ESRRG: variants seen among roughly 807,000 people sequenced by gnomAD.
ESRRG encodes estrogen related receptor gamma.
ESRRG carries 13 observed loss-of-function variants against 44.0 expected under a neutral mutation model. That is an observed-to-expected ratio of 0.30 (90% CI 0.19 to 0.47). The LOEUF is 0.47. Ranked by LOEUF, ESRRG falls within the 20% of genes least tolerant of loss-of-function variation. ESRRG has a pLI of 1.00. For missense variants in ESRRG, 395 were observed against 580.6 expected (o/e 0.68, Z 3.29); for synonymous variants, 215 against 214.6 (o/e 1.00, Z -0.02).
In ESRRG at chr1:216,576,406, T is replaced by A. The variant is rs2061685076; in HGVS notation, c.590-8308A>T. Reference sequence around the variant, plus strand: ...AAAAGCCATGACTCACATTAAAGCTTCCTTGCTCTACAGATGAATTAACAA... The same window carrying A: ...AAAAGCCATGACTCACATTAAAGCTACCTTGCTCTACAGATGAATTAACAA... On this transcript the variant is annotated intron_variant, in intron 3 of 6. Coordinates refer to ENST00000408911, the MANE Select transcript of ESRRG (RefSeq NM_001438.4). 2.6e-5 allele frequency among the ~76,000 whole-genome samples: 4 copies of A among 151,862 alleles called. No homozygotes were observed. The South Asian group carries it at 8.3e-4, about 31-fold the overall frequency.
chr1:216,927,651 AAGGCACGCCAT>A (rs1214268486), intron 2 of ESRRG, among the ~76,000 whole-genome samples: 9 of 152,352 alleles, frequency 5.9e-5, no homozygotes, highest in Non-Finnish European at 1.2e-4. Context: ...CTTGATGGCT[AAGGCACGCCAT>A]AGGCCCCTCT....
At chr1:216,945,420 G>C (rs1486856741) in intron 1 of ESRRG, among the ~76,000 whole-genome samples, 1 of 151,902 alleles carries the variant, frequency 6.6e-6, no homozygotes, top group Non-Finnish European at 1.5e-5. Flanking sequence ...AAATGAATTA[G>C]GCAGAATTTA....
chr1:217,096,709 C>T (rs1280680002), intron 1 of ESRRG, among the ~76,000 whole-genome samples: 5 of 142,592 alleles, frequency 3.5e-5, no homozygotes, highest in Admixed American at 2.8e-4. Flanking sequence ...GTTAATCTCT[C>T]CTTTGTCTCT....
At chr1:216,913,778 T>C (rs1383968749) in intron 2 of ESRRG, among the ~76,000 whole-genome samples, 1 of 152,224 alleles carries the variant, frequency 6.6e-6, no homozygotes, top group Admixed American at 6.5e-5. Flanking sequence ...CTCTATATGC[T>C]GTAAGTCATT....
At chr1:216,934,557 G>A (rs979612942) in intron 2 of ESRRG, among the ~76,000 whole-genome samples, 2 of 152,142 alleles carry the variant, frequency 1.3e-5, no homozygotes, top group Non-Finnish European at 2.9e-5. Context: ...GTCTTACATG[G>A]CGGCAGAAAA....
intron 5 of ESRRG, among the ~76,000 whole-genome samples, chr1:216,549,351 G>C (rs945300110): frequency 2.0e-5 from 3 of 152,016 alleles, no homozygotes. Context: ...TATTGGAAAG[G>C]AGGGAAAAGT....
At chr1:216,875,776 A>G (rs2096341824) in intron 2 of ESRRG, among the ~76,000 whole-genome samples, 1 of 152,194 alleles carries the variant, frequency 6.6e-6, no homozygotes, top group African/African-American at 2.4e-5. Context: ...GTGTATACCT[A>G]CAAGTGAAAT....
chr1:217,018,731 C>T (rs903135697), intron 1 of ESRRG, among the ~76,000 whole-genome samples: 2 of 152,164 alleles, frequency 1.3e-5, no homozygotes, highest in Admixed American at 6.6e-5. Context: ...TATTACTCAT[C>T]CTTTGTCCAT....
chr1:217,076,337 C>G (rs940442716), intron 1 of ESRRG, among the ~76,000 whole-genome samples: 2 of 152,152 alleles, frequency 1.3e-5, no homozygotes, highest in Admixed American at 1.3e-4. Flanking sequence ...CTAGACATTC[C>G]TCACTTAGTT....
chr1:216,961,378 A>C, intron 1 of ESRRG, among the ~76,000 whole-genome samples: 1 of 152,282 alleles, frequency 6.6e-6, no homozygotes, highest in African/African-American at 2.4e-5. Context: ...ACCAACCATA[A>C]AAAAATGATA....
intron 2 of ESRRG, among the ~76,000 whole-genome samples, chr1:216,787,714 A>G (rs2094178910): frequency 6.6e-6 from 1 of 151,944 alleles, no homozygotes; most frequent in Non-Finnish European, 1.5e-5. Flanking sequence ...AAGCTTAGTG[A>G]GGAAGGCATG....
chr1:216,598,872 A>G (rs2058803802), intron 3 of ESRRG, among the ~76,000 whole-genome samples: 1 of 152,238 alleles, frequency 6.6e-6, no homozygotes, highest in Non-Finnish European at 1.5e-5. Context: ...AGAAGAGCAT[A>G]TGGTATACAA....
chr1:216,838,780 T>C (rs967972401), intron 2 of ESRRG, among the ~76,000 whole-genome samples: 2 of 152,206 alleles, frequency 1.3e-5, no homozygotes, highest in Non-Finnish European at 2.9e-5. Flanking sequence ...TACCATAATA[T>C]AGTGTGCAAT....
intron 1 of ESRRG, among the ~76,000 whole-genome samples, chr1:217,080,006 C>G (rs1447794358): frequency 6.6e-6 from 1 of 152,168 alleles, no homozygotes; most frequent in East Asian, 1.9e-4. Context: ...AAGTGAGGGT[C>G]ACACAGCTGG....
chr1:216,923,182 T>C (rs2062047901), intron 2 of ESRRG, among the ~76,000 whole-genome samples: 1 of 152,204 alleles, frequency 6.6e-6, no homozygotes, highest in Admixed American at 6.5e-5. Context: ...GCTTATGTCC[T>C]AAAAACAGAC....
chr1:216,834,838 A>G (rs2095538878), intron 2 of ESRRG, among the ~76,000 whole-genome samples: 1 of 152,176 alleles, frequency 6.6e-6, no homozygotes, highest in East Asian at 1.9e-4. Context: ...AAGAAGAAGA[A>G]AGTGTCGATA....
intron 2 of ESRRG, among the ~76,000 whole-genome samples, chr1:216,834,652 T>C (rs902342568): frequency 2.0e-5 from 3 of 152,152 alleles, no homozygotes; most frequent in African/African-American, 7.2e-5. Flanking sequence ...GAAGTGCTGT[T>C]GAAAATTAAA....
chr1:216,959,043 CCTCT>C (rs1351998042), intron 1 of ESRRG, among the ~76,000 whole-genome samples: 1 of 151,850 alleles, frequency 6.6e-6, no homozygotes, highest in Non-Finnish European at 1.5e-5. Flanking sequence ...TTCCTTCGTC[CCTCT>C]CTCTTTCCCT....
intron 6 of ESRRG, among the ~76,000 whole-genome samples, chr1:216,512,618 A>C (rs1487707039): frequency 6.6e-6 from 1 of 152,206 alleles, no homozygotes; most frequent in Non-Finnish European, 1.5e-5. Context: ...AGATAGGAAC[A>C]AGACACTTGA....
Sources: allele counts gnomAD v4.1 joint callset (sites outside exome capture counted in the v4.1 genomes callset), GRCh38; gene constraint gnomAD v4.1.1; transcripts MANE v1.5; gene names NCBI Gene and HGNC (gene_info 2026-07-23, HGNC 2026-07-21).